Variants in TSPAN11 observed in about 807,000 individuals in gnomAD.
The protein encoded by TSPAN11 is tetraspanin-11.
Under a neutral mutation model 32.9 loss-of-function variants are expected in TSPAN11, and 29 were observed. The observed-to-expected ratio is 0.88, with a 90% CI of 0.66 to 1.20. The LOEUF (loss-of-function observed/expected upper bound fraction) is 1.20, where lower values mean the gene tolerates loss of function less well. Among genes scored for constraint, TSPAN11 ranks in the 50% most tolerant of loss-of-function variants. TSPAN11 has a pLI of 0.00. For synonymous variants in TSPAN11, 140 were observed against 141.3 expected, an observed-to-expected ratio of 0.99 and a Z score of 0.07; for missense variants, 283 against 329.1, an observed-to-expected ratio of 0.86 and a Z score of 1.08.
downstream of TSPAN11, among the ~76,000 whole-genome samples, chr12:31,000,007 T>A (rs183706719): frequency 6.6e-6 from 1 of 150,872 alleles, no homozygotes; most frequent in Non-Finnish European, 1.5e-5. Flanking sequence ...CCCTGTGGAG[T>A]GTTGTTACTC....
At chr12:30,991,492 C>T (rs1199796170) in intron 7 of TSPAN11, among the ~76,000 whole-genome samples, 1 of 152,204 alleles carries the variant, frequency 6.6e-6, no homozygotes, top group East Asian at 1.9e-4. Context: ...TCTAGGACCA[C>T]AGACCAGCAG....
chr12:31,013,199 A>C, the TSPAN11 span, among the ~76,000 whole-genome samples: 1 of 152,190 alleles, frequency 6.6e-6, no homozygotes, highest in Non-Finnish European at 1.5e-5. Context: ...CCATGAGTAC[A>C]ATGATAAGGA....
In TSPAN11 at chr12:30,963,891, C is replaced by T. The variant is rs768566548; in HGVS notation, c.150C>T (p.Ser50=). 11 of 1,613,368 alleles carry T rather than the reference C, an allele frequency of 6.8e-6. No homozygotes were observed. Among genetic ancestry groups the T allele is most frequent in the Non-Finnish European group, 9.3e-6 (11 of 1,180,030 alleles). ...WTLVEKSGYL[S]VLASSTFAAS... is the part of the protein sequence containing the mutation. ...TGGTGGAGAAGAGTGGCTACCTCAG[C>T]GTCCTGGCCTCCAGCACCTTTGCCG... Residue 50 remains serine (S), a synonymous_variant, in exon 3 of 8, where the codon AGC becomes AGT. Coordinates refer to ENST00000546076, the MANE Select transcript of TSPAN11 (RefSeq NM_001370302.1).
At chr12:30,973,951 AG>A (rs1938905841) in intron 3 of TSPAN11, among the ~76,000 whole-genome samples, 1 of 152,206 alleles carries the variant, frequency 6.6e-6, no homozygotes, top group East Asian at 1.9e-4. Context: ...GTGATCCCCA[AG>A]GAAACACTGA....
At chr12:30,936,840 GGGGGTA>G (rs540914365) in intron 1 of TSPAN11, among the ~76,000 whole-genome samples, 1 of 152,186 alleles carries the variant, frequency 6.6e-6, no homozygotes, top group Non-Finnish European at 1.5e-5. Flanking sequence ...GGGCATAAAT[GGGGGTA>G]GCAAAGAGGA....
In TSPAN11 at chr12:30,994,693, TG is replaced by T. The variant is rs547584088; in HGVS notation, c.*2782del. The T allele has an allele frequency of 3.2e-4, 48 of 152,342 alleles. No individual in the cohort carries two copies. In the East Asian group the frequency reaches 9.1e-3, roughly 29 times the overall value. The allele number at this position is 152,342 out of a possible 1,614,324, so 9.4% of individuals were successfully genotyped here. ...CCAGGAGCCCCTCAGGCAGAGTAAG[TG>T]GGGAGTGTGTCCAGGGATTTTTTTG... On this transcript the variant is annotated 3_prime_UTR_variant, in exon 8 of 8. Coordinates refer to ENST00000546076, the MANE Select transcript of TSPAN11 (RefSeq NM_001370302.1).
chr12:30,948,392 G>A (rs1349543697), intron 1 of TSPAN11, among the ~76,000 whole-genome samples: 1 of 152,138 alleles, frequency 6.6e-6, no homozygotes, highest in Non-Finnish European at 1.5e-5. Flanking sequence ...TGAGGGCGCC[G>A]CCCCTGCAGC....
At position 30,951,659 on chromosome 12, in the gene TSPAN11, G is replaced by A. The variant is rs141870121; in HGVS notation, c.-11-2322G>A. Among the ~76,000 whole-genome samples the A allele has an allele frequency of 4.5e-4, 68 of 152,324 alleles. No individual in the cohort carries two copies. The Middle Eastern group carries it at 0.014, about 30-fold the overall frequency. On this transcript the variant is annotated intron_variant, in intron 1 of 7. Transcript: ENST00000546076. ...GTTCTGTACCTGGCACATAGTAAGT[G>A]TTCCATAAATACTAGCTACACAGGG... is the stretch of plus-strand genomic sequence containing the variant.
At chr12:30,934,074 G>A (rs921970258) in intron 1 of TSPAN11, among the ~76,000 whole-genome samples, 9 of 152,222 alleles carry the variant, frequency 5.9e-5, no homozygotes, top group African/African-American at 2.2e-4. Flanking sequence ...CTCTCTGGGG[G>A]ACTGTGGATG....
At chr12:30,984,551 G>C (rs923740103) in intron 7 of TSPAN11, among the ~76,000 whole-genome samples, 80 of 99,524 alleles carry the variant, frequency 8.0e-4, no homozygotes, top group African/African-American at 3.6e-3. Flanking sequence ...TTCGCTTTTT[G>C]CTTTTTTTTT....
intron 4 of TSPAN11, 100 bp downstream of exon 4, chr12:30,978,735 C>A: frequency 8.0e-7 from 1 of 1,245,472 alleles, no homozygotes; most frequent in Non-Finnish European, 1.2e-6. Flanking sequence ...GAGGAAGGCA[C>A]AAGGGCGGTC....
downstream of TSPAN11, among the ~76,000 whole-genome samples, chr12:31,000,984 C>T (rs1027132584): frequency 6.6e-6 from 1 of 152,200 alleles, no homozygotes; most frequent in African/African-American, 2.4e-5. Context: ...CACCCCACTG[C>T]CCTTCCCTGT....
At chr12:31,004,638 C>T in the TSPAN11 span, among the ~76,000 whole-genome samples, 547 of 152,274 alleles carry the variant, frequency 3.6e-3, 3 homozygotes, top group African/African-American at 0.013. Context: ...TGAGTAGCAT[C>T]CACACTAGAG....
intron 3 of TSPAN11, among the ~76,000 whole-genome samples, chr12:30,971,611 A>AT (rs1299440966): frequency 6.6e-6 from 1 of 152,162 alleles, no homozygotes; most frequent in Non-Finnish European, 1.5e-5. Flanking sequence ...TTAGCCAGGC[A>AT]TGGTGGTATG....
intron 3 of TSPAN11, 89 bp downstream of exon 3, chr12:30,964,106 AGTGGGAGGGGCTGAGGCT>A (rs55753607): frequency 0.18 from 259,241 of 1,474,154 alleles, 23,974 homozygotes; most frequent in African/African-American, 0.24. Flanking sequence ...CCAGCCCTGG[AGTGGGAGGGGCTGAGGCT>A]GTGGGAGTGC....
Position 30,972,346 on chromosome 12 carries a change from C to G in TSPAN11, c.277-6215C>G, listed in dbSNP as rs564180490. Among the ~76,000 whole-genome samples the G allele has an allele frequency of 2.0e-5, 3 of 152,232 alleles. No individual in the cohort carries two copies. The East Asian group carries it at 5.8e-4, about 29-fold the overall frequency. On this transcript the variant is annotated intron_variant, in intron 3 of 7. Transcript: ENST00000546076. ...ACACAGTCCCAGGGAGCGAGACAAG[C>G]AGGGAGGCCCCAGAGTCAGGGAAGC...
At chr12:30,930,298 C>T (rs915050757) in intron 1 of TSPAN11, among the ~76,000 whole-genome samples, 2 of 152,218 alleles carry the variant, frequency 1.3e-5, no homozygotes, top group Non-Finnish European at 2.9e-5. Context: ...CCCCCGACCT[C>T]TGAGCACTCA....
intron 7 of TSPAN11, among the ~76,000 whole-genome samples, chr12:30,984,906 TACCCAGGGCCTCACACCCTGAACCAGC>T (rs1939171230): frequency 6.6e-6 from 1 of 152,186 alleles, no homozygotes; most frequent in African/African-American, 2.4e-5. Context: ...AGAGGTGACT[TACCCAGGGCCTCACACCCTGAACCAGC>T]ACCCAGGTCT....
At chr12:30,960,076 G>A (rs1938581369) in intron 2 of TSPAN11, among the ~76,000 whole-genome samples, 2 of 139,322 alleles carry the variant, frequency 1.4e-5, no homozygotes, top group South Asian at 2.3e-4. Flanking sequence ...TTGGCACATG[G>A]TTGTCATTGA....
Sources: allele counts gnomAD v4.1 joint callset (sites outside exome capture counted in the v4.1 genomes callset), GRCh38; gene constraint gnomAD v4.1.1; transcripts MANE v1.5; gene names NCBI Gene and HGNC (gene_info 2026-07-23, HGNC 2026-07-21).